The following BACH2 variants were observed in gnomAD, a reference collection of about 807,000 sequenced individuals.
The protein encoded by BACH2 is transcription regulator protein BACH2.
In BACH2, 5 loss-of-function variants were observed where a neutral mutation model predicts 61.8. The observed-to-expected ratio is 0.08, with a 90% CI of 0.04 to 0.17. The LOEUF (loss-of-function observed/expected upper bound fraction) is 0.17, where lower values mean the gene tolerates loss of function less well. BACH2 is among the 10% of genes least tolerant of loss of function. The probability of loss-of-function intolerance (pLI) is 1.00; values close to 1 mark genes in which losing one functional copy is unlikely to be tolerated. For missense variants in BACH2, 824 were observed against 1,091.1 expected (o/e 0.76, Z 3.45); for synonymous variants, 446 against 440.1 (o/e 1.01, Z -0.17).
chr6:90,008,477 T>C lies in BACH2; in HGVS notation c.243+125A>G. The C allele has an allele frequency of 1.7e-6, 2 of 1,191,796 alleles. No individual in the cohort carries two copies. The highest frequency in any genetic ancestry group is 1.5e-5 in the African/African-American group (1 of 65,858). 73.8% of individuals were successfully genotyped at this position (1,191,796 alleles called of 1,614,324 possible). On this transcript the variant is annotated intron_variant, in intron 6 of 8. Coordinates refer to ENST00000257749, the MANE Select transcript of BACH2 (RefSeq NM_021813.4). The surrounding 1 kb of genome is among the most constrained non-coding windows in gnomAD (Gnocchi z 4.1). ...AACTGACTATGCCACAGACCTAACA[T>C]GTGACTTGGACATCAACTCCTGAGT...
At chr6:90,256,915 G>GT (rs1371952504) in intron 2 of BACH2, among the ~76,000 whole-genome samples, 2 of 152,114 alleles carry the variant, frequency 1.3e-5, no homozygotes, top group Non-Finnish European at 2.9e-5. Flanking sequence ...AACCACTGTT[G>GT]TATTCTCTCT....
chr6:90,030,608 A>C (rs1323710482), intron 5 of BACH2, among the ~76,000 whole-genome samples: 2 of 152,160 alleles, frequency 1.3e-5, no homozygotes, highest in Admixed American at 1.3e-4. Context: ...ATCTAGAAGA[A>C]ATGGATAAAT....
intron 3 of BACH2, among the ~76,000 whole-genome samples, chr6:90,209,890 T>C (rs1582488110): frequency 2.6e-5 from 4 of 152,294 alleles, no homozygotes; most frequent in Non-Finnish European, 4.4e-5. Flanking sequence ...AATATTACGA[T>C]AGTTTTTTCT....
intron 4 of BACH2, among the ~76,000 whole-genome samples, chr6:90,171,168 T>G (rs1409326233): frequency 6.6e-6 from 1 of 152,056 alleles, no homozygotes; most frequent in Admixed American, 6.5e-5. Context: ...CCCAGCACTT[T>G]GGGAGGCCGA....
At position 90,008,976 on chromosome 6, in the gene BACH2, T is replaced by C; in HGVS notation, c.-12-120A>G. On this transcript the variant is annotated intron_variant, in intron 5 of 8. Coordinates refer to ENST00000257749, the MANE Select transcript of BACH2 (RefSeq NM_021813.4). This position sits in a 1 kb window ranked among gnomAD's most constrained non-coding sequence, Gnocchi z 4.1. ...TTCCTGTGTCCCACTGCCATGAGCA[T>C]GGCAGGAAGGAGGGGAATTACCAAT... is the stretch of plus-strand genomic sequence containing the variant. 1.6e-6 allele frequency: 2 copies of C among 1,226,388 alleles called. No individual in the cohort carries two copies. The highest frequency in any genetic ancestry group is 2.2e-6 in the Non-Finnish European group (2 of 897,302). 76.0% of individuals were successfully genotyped at this position (1,226,388 alleles called of 1,614,324 possible).
At chr6:90,031,155 C>A (rs932398710) in intron 5 of BACH2, among the ~76,000 whole-genome samples, 1 of 151,764 alleles carries the variant, frequency 6.6e-6, no homozygotes, top group African/African-American at 2.4e-5. Flanking sequence ...AATTCAACAA[C>A]CTTCATGCTA....
At chr6:90,087,664 A>C (rs1781992894) in intron 5 of BACH2, among the ~76,000 whole-genome samples, 1 of 152,152 alleles carries the variant, frequency 6.6e-6, no homozygotes, top group South Asian at 2.1e-4. Flanking sequence ...TTAGAATCTC[A>C]CAAAACCTGG....
At chr6:89,979,588 C>T (rs1408920888) in intron 6 of BACH2, among the ~76,000 whole-genome samples, 1 of 152,202 alleles carries the variant, frequency 6.6e-6, no homozygotes, top group African/African-American at 2.4e-5. Flanking sequence ...CCCTCATCTT[C>T]TCATTAGAAT....
intron 4 of BACH2, among the ~76,000 whole-genome samples, chr6:90,130,400 G>A (rs538516193): frequency 4.7e-4 from 71 of 152,298 alleles, no homozygotes; most frequent in African/African-American, 1.6e-3. Context: ...AGCTAACACC[G>A]AAGGAGCATT....
intron 5 of BACH2, among the ~76,000 whole-genome samples, chr6:90,011,959 TGTGTGTGTGTGTG>T (rs1333791614): frequency 6.7e-6 from 1 of 149,414 alleles, no homozygotes; most frequent in African/African-American, 2.5e-5. Context: ...TGTGTGTGTG[TGTGTGTGTGTGTG>T]TGTATGAGTG....
rs543429510 is a variant in BACH2 at position 89,977,474 on chromosome 6, C to T, written c.244-25612G>A. Among the ~76,000 whole-genome samples the T allele has an allele frequency of 4.6e-5, 7 of 152,240 alleles. No individual in the cohort carries two copies. In the South Asian group the frequency reaches 1.2e-3, roughly 27 times the overall value. ...AAAAAACATTTCATCTTATTCTTTCCTTATGAAAGAGCTGCTGGCTTTGCA... is the reference window on the plus strand; with the variant it reads ...AAAAAACATTTCATCTTATTCTTTCTTTATGAAAGAGCTGCTGGCTTTGCA... On this transcript the variant is annotated intron_variant, in intron 6 of 8. Transcript: ENST00000257749.
intron 5 of BACH2, among the ~76,000 whole-genome samples, chr6:90,050,636 T>A (rs1395753689): frequency 6.6e-6 from 1 of 152,246 alleles, no homozygotes; most frequent in Non-Finnish European, 1.5e-5. Context: ...AGATATGTTA[T>A]TCATGTTAAC....
At chr6:90,123,708 T>G (rs1783729295) in intron 4 of BACH2, among the ~76,000 whole-genome samples, 1 of 129,586 alleles carries the variant, frequency 7.7e-6, no homozygotes, top group Non-Finnish European at 1.5e-5. Flanking sequence ...AGGCGGAGCT[T>G]GCAGTGAGCC....
At position 89,951,030 on chromosome 6, in the gene BACH2, G is replaced by A. The variant is rs760735220; in HGVS notation, c.1076C>T (p.Thr359Ile). Residue 359 changes from threonine to isoleucine, a missense_variant, in exon 7 of 9, where the codon ACA (threonine) becomes ATA (isoleucine). This residue lies in a region of BACH2 where 226 missense variants were observed against 228.5 expected (regional missense o/e 0.99). Coordinates refer to ENST00000257749, the MANE Select transcript of BACH2 (RefSeq NM_021813.4). This position sits in a 1 kb window ranked among gnomAD's most constrained non-coding sequence, Gnocchi z 6.4. ...ACTCCTGGCAAAGTGCTGCTGAGAT[G>A]TACTGGGCAGGCCAGACAGCTCCAC... The part of the protein sequence containing the change: ...KSVELSGLPS[T>I]SQQHFARSPA... 34 of 1,605,982 alleles carry A rather than the reference G, an allele frequency of 2.1e-5. No individual in the cohort carries two copies. The highest frequency in any genetic ancestry group is 8.5e-5 in the Admixed American group (5 of 58,716).
intron 4 of BACH2, among the ~76,000 whole-genome samples, chr6:90,206,299 T>G (rs1045963623): frequency 2.6e-5 from 4 of 152,116 alleles, no homozygotes; most frequent in African/African-American, 9.7e-5. Context: ...AATATTCCAA[T>G]ATTCATGCCA....
chr6:90,047,507 T>C (rs1779842310), intron 5 of BACH2, among the ~76,000 whole-genome samples: 1 of 152,206 alleles, frequency 6.6e-6, no homozygotes, highest in African/African-American at 2.4e-5. Flanking sequence ...TAACAGAACC[T>C]ATACTTCATG....
At chr6:90,158,762 T>C (rs967704241) in intron 4 of BACH2, among the ~76,000 whole-genome samples, 78 of 78,544 alleles carry the variant, frequency 9.9e-4, no homozygotes, top group African/African-American at 4.9e-3. Flanking sequence ...TGTCTTCTTT[T>C]GGTGGGGGGG....
At chr6:90,110,598 TCC>T in intron 4 of BACH2, among the ~76,000 whole-genome samples, 1 of 152,356 alleles carries the variant, frequency 6.6e-6, no homozygotes, top group Admixed American at 6.5e-5. Context: ...TTTTCCAAAA[TCC>T]TAATTTTTGT....
chr6:90,081,622 T>C (rs1318405259), intron 5 of BACH2, among the ~76,000 whole-genome samples: 1 of 152,166 alleles, frequency 6.6e-6, no homozygotes, highest in East Asian at 1.9e-4. Context: ...TCAAAGTCAC[T>C]GCTTTCAAGG....
Sources: gnomAD v4.1 joint callset for allele counts (sites outside exome capture counted in the v4.1 genomes callset) on GRCh38, gnomAD v4.1.1 for gene constraint, gnomAD v4.1.1 regional missense constraint, Gnocchi (gnomAD v3.1) non-coding constraint, MANE v1.5 for transcripts, NCBI Gene and HGNC (gene_info 2026-07-23, HGNC 2026-07-21) for gene names.